Variants in RAPGEF6 observed in about 807,000 individuals in gnomAD.
The protein encoded by RAPGEF6 is Rap guanine nucleotide exchange factor 6.
Under a neutral mutation model 171.4 loss-of-function variants are expected in RAPGEF6, and 56 were observed. That is an observed-to-expected ratio of 0.33 (90% CI 0.26 to 0.41). The LOEUF (loss-of-function observed/expected upper bound fraction) is 0.41, where lower values mean the gene tolerates loss of function less well. RAPGEF6 is among the 10% of genes least tolerant of loss of function. The pLI is 1.00. For synonymous variants in RAPGEF6, 692 were observed against 650.1 expected (o/e 1.06, Z -0.98); for missense variants, 1,674 against 1,921.4 (o/e 0.87, Z 2.41).
At chr5:131,479,824 T>G (rs1278796917) in intron 15 of RAPGEF6, 71 bp from the exon 16 acceptor site, 36 of 1,496,160 alleles carry the variant, frequency 2.4e-5, no homozygotes, top group Non-Finnish European at 3.2e-5. Flanking sequence ...CAACAAATTT[T>G]AAGGATAAAC....
At chr5:131,580,649 A>T (rs116487479) in intron 4 of RAPGEF6, among the ~76,000 whole-genome samples, 3,107 of 151,990 alleles carry the variant, frequency 0.02, 111 homozygotes, top group African/African-American at 0.071. Context: ...TGAGAACAGA[A>T]CCTCTCCCTC....
chr5:131,597,564 C>A (rs1763973976), intron 3 of RAPGEF6, among the ~76,000 whole-genome samples: 1 of 152,040 alleles, frequency 6.6e-6, no homozygotes, highest in Admixed American at 6.5e-5. Flanking sequence ...ATGGATGGAA[C>A]TGGAGGATAT....
chr5:131,440,485 C>A (rs1300954899), intron 23 of RAPGEF6, among the ~76,000 whole-genome samples: 5 of 152,040 alleles, frequency 3.3e-5, no homozygotes, highest in African/African-American at 1.2e-4. Context: ...CGCCTGTAAT[C>A]CCAGCACTTT....
rs1409118970 is a variant in RAPGEF6, at chr5:131,498,487, T to G, written c.1375A>C (p.Ile459Leu). 2 of 1,613,608 alleles carry G rather than the reference T, an allele frequency of 1.2e-6. No homozygotes were observed. Residue 459 changes from isoleucine to leucine, a missense_variant, in exon 12 of 28, where the codon ATC becomes CTC. By Grantham distance (5) the Ile-to-Leu change is conservative (BLOSUM62 2). Coordinates refer to ENST00000509018, the MANE Select transcript of RAPGEF6 (RefSeq NM_016340.6). The stretch of plus-strand genomic sequence containing the variant: ...ATCTTAAACCATTCCAATAGTTTGA[T>G]CCCAACATCCAAAGGACTTTCAAGA... ...TFLESPLDVG[I>L]KLLEWFKIDS...
chr5:131,485,739 T>C (rs1056978396), intron 15 of RAPGEF6, among the ~76,000 whole-genome samples: 2 of 152,372 alleles, frequency 1.3e-5, no homozygotes, highest in Middle Eastern at 3.4e-3. Flanking sequence ...AGGTTTACTA[T>C]TAAGTTCAGT....
chr5:131,503,569 A>G (rs986475752), intron 11 of RAPGEF6, among the ~76,000 whole-genome samples: 1 of 152,252 alleles, frequency 6.6e-6, no homozygotes, highest in Non-Finnish European at 1.5e-5. Flanking sequence ...ACTTCAAATT[A>G]TCTCTCTGAT....
chr5:131,454,120 G>A (rs943873538), intron 20 of RAPGEF6, among the ~76,000 whole-genome samples: 2 of 152,166 alleles, frequency 1.3e-5, no homozygotes, highest in Admixed American at 1.3e-4. Context: ...CCTGTCTTTT[G>A]AGGTAAAAGG....
intron 15 of RAPGEF6, 94 bp from the exon 16 acceptor site, chr5:131,479,847 C>T (rs1755349703): frequency 3.8e-6 from 5 of 1,321,814 alleles, no homozygotes; most frequent in East Asian, 2.4e-5. Flanking sequence ...AGTGACTTTC[C>T]ATTATTTGAA....
rs144590168 is a variant in RAPGEF6, at chr5:131,485,983, G to C, written c.1840+3563C>G. Among the ~76,000 whole-genome samples, 401 of 152,250 alleles carry C rather than the reference G, an allele frequency of 2.6e-3. 4 individuals are homozygous for C. Among genetic ancestry groups the C allele is most frequent in the African/African-American group, 9.3e-3 (386 of 41,538 alleles). On this transcript the variant is annotated intron_variant, in intron 15 of 27. Transcript: ENST00000509018. The stretch of plus-strand genomic sequence containing the variant: ...TTATTTTTAGAAATAACAAGTTGCT[G>C]TTAGTATCCTCTAAAGAACATATTT...
At chr5:131,526,910 T>C (rs1758902822) in intron 6 of RAPGEF6, among the ~76,000 whole-genome samples, 1 of 152,092 alleles carries the variant, frequency 6.6e-6, no homozygotes, top group African/African-American at 2.4e-5. Flanking sequence ...ATTATGAAGT[T>C]ACAAAGTCTG....
chr5:131,534,731 G>A lies in RAPGEF6; in HGVS notation c.496-13210C>T, dbSNP rs1428000632. ...TCTTTAAAACAGAAAAATGATAGTA[G>A]GTACTTTGTATGTACATGAAGACAA... On this transcript the variant is annotated intron_variant, in intron 6 of 27. Coordinates refer to ENST00000509018, the MANE Select transcript of RAPGEF6 (RefSeq NM_016340.6). 4.6e-5 allele frequency among the ~76,000 whole-genome samples: 7 copies of A among 150,614 alleles called. No homozygotes were observed. The South Asian group carries it at 6.3e-4, about 13-fold the overall frequency.
chr5:131,601,536 C>G lies in RAPGEF6; in HGVS notation c.197+1735G>C, dbSNP rs1292325636. Among the ~76,000 whole-genome samples the G allele has an allele frequency of 2.0e-5, 3 of 152,014 alleles. No homozygotes were observed. The East Asian group carries it at 5.8e-4, about 29-fold the overall frequency. ...AACCCAATTAATAAAAGAAGCTATC[C>G]AAATACCTGATAGAAACATAAATGT... On this transcript the variant is annotated intron_variant, in intron 3 of 27. Coordinates refer to ENST00000509018, the MANE Select transcript of RAPGEF6 (RefSeq NM_016340.6).
At chr5:131,456,889 G>C (rs1450080643) in intron 19 of RAPGEF6, among the ~76,000 whole-genome samples, 1 of 152,082 alleles carries the variant, frequency 6.6e-6, no homozygotes, top group African/African-American at 2.4e-5. Flanking sequence ...CCAAAACTAA[G>C]ATAACAAACT....
chr5:131,612,663 G>A (rs1765004354), intron 1 of RAPGEF6, among the ~76,000 whole-genome samples: 2 of 152,092 alleles, frequency 1.3e-5, no homozygotes, highest in Admixed American at 1.3e-4. Flanking sequence ...AACAAGTTCT[G>A]AAAATTGTAA....
Position 131,492,593 on chromosome 5 carries a change from G to C in RAPGEF6, c.1720C>G (p.Arg574Gly), listed in dbSNP as rs1310114962. The change falls in exon 14 of 28, where the codon CGT becomes GGT. Residue 574 changes from arginine to glycine, a missense_variant. By Grantham distance (125) the Arg-to-Gly change is moderately radical. Coordinates refer to ENST00000509018, the MANE Select transcript of RAPGEF6 (RefSeq NM_016340.6). ...GGTTATTTCCTTACCTGATCACCAC[G>C]TTTCAGTCCTGAATCAGCAGCTTTG... ...GSKAADSGLK[R>G]GDQIMEVNGQ... 6 of 1,614,090 alleles carry C rather than the reference G, an allele frequency of 3.7e-6. No homozygotes were observed. The highest frequency in any genetic ancestry group is 5.1e-6 in the Non-Finnish European group (6 of 1,180,000).
chr5:131,567,239 G>C lies in RAPGEF6; in HGVS notation c.282-5192C>G, dbSNP rs192232532. 2.8e-4 allele frequency among the ~76,000 whole-genome samples: 42 copies of C among 151,204 alleles called. 1 individual carries two copies. Among genetic ancestry groups the C allele is most frequent in the Admixed American group, 2.6e-3 (40 of 15,184 alleles). Reference sequence around the variant, plus strand: ...GTTTATCAAGTTTTGTTAAACTTTTGAAAGAGCCAACTTTTTGTTTCAATG... The same window carrying C: ...GTTTATCAAGTTTTGTTAAACTTTTCAAAGAGCCAACTTTTTGTTTCAATG... On this transcript the variant is annotated intron_variant, in intron 4 of 27. Coordinates refer to ENST00000509018, the MANE Select transcript of RAPGEF6 (RefSeq NM_016340.6).
intron 6 of RAPGEF6, among the ~76,000 whole-genome samples, chr5:131,533,185 C>T (rs1187865640): frequency 2.3e-5 from 3 of 130,690 alleles, no homozygotes; most frequent in Non-Finnish European, 5.5e-5. Context: ...CACACACACA[C>T]ACACACACAC....
chr5:131,590,649 A>G (rs1486446517), intron 4 of RAPGEF6, among the ~76,000 whole-genome samples: 1 of 152,182 alleles, frequency 6.6e-6, no homozygotes, highest in Non-Finnish European at 1.5e-5. Flanking sequence ...AACTTCCATA[A>G]TCATGTTTCC....
chr5:131,535,966 CT>C (rs1219772479), intron 6 of RAPGEF6, among the ~76,000 whole-genome samples: 1 of 152,066 alleles, frequency 6.6e-6, no homozygotes, highest in Non-Finnish European at 1.5e-5. Flanking sequence ...ATAACAAAAA[CT>C]GGATTTATAC....
Sources: gnomAD v4.1 joint callset for allele counts (sites outside exome capture counted in the v4.1 genomes callset) on GRCh38, gnomAD v4.1.1 for gene constraint, MANE v1.5 for transcripts, NCBI Gene and HGNC (gene_info 2026-07-23, HGNC 2026-07-21) for gene names.